KIF13B: variants seen among roughly 807,000 people sequenced by gnomAD.
KIF13B encodes the protein kinesin family member 13B, also known as kinesin-like protein KIF13B.
In KIF13B, 127 loss-of-function variants were observed where a neutral mutation model predicts 222.0. The ratio of observed to expected loss-of-function variants is 0.57; its 90% CI spans 0.50 to 0.66. The LOEUF (loss-of-function observed/expected upper bound fraction) is 0.66, where lower values mean the gene tolerates loss of function less well. Among genes scored for constraint, KIF13B ranks in the 30% least tolerant of loss-of-function variants. The pLI, the probability that KIF13B is intolerant of heterozygous loss-of-function variation, is 0.00. For missense variants in KIF13B, 2,173 were observed against 2,379.0 expected (o/e 0.91, Z 1.80); for synonymous variants, 976 against 919.0 (o/e 1.06, Z -1.12).
At chr8:29,180,804 G>C (rs1462235978) in intron 7 of KIF13B, among the ~76,000 whole-genome samples, 1 of 151,720 alleles carries the variant, frequency 6.6e-6, no homozygotes, top group Non-Finnish European at 1.5e-5. Context: ...GGAAGGTCAA[G>C]GGATTTTCTT....
At chr8:29,087,356 G>T (rs1808090208) in intron 37 of KIF13B, among the ~76,000 whole-genome samples, 1 of 152,196 alleles carries the variant, frequency 6.6e-6, no homozygotes, top group South Asian at 2.1e-4. Context: ...TACAGCTTTA[G>T]AAGTGTGTGG....
rs1459073650 is a variant in KIF13B at position 29,134,354 on chromosome 8, A to C, written c.2614-144T>G. On this transcript the variant is annotated intron_variant, in intron 21 of 39. Transcript: ENST00000524189. ...CAAATCCCATTCACCCTGAGACTGG[A>C]CTTCTGCATCTGGGAAATAGTGGTA... 2.1e-5 allele frequency: 15 copies of C among 697,908 alleles called. No homozygotes were observed. The South Asian group carries it at 2.8e-4, about 13-fold the overall frequency. The allele number at this position is 697,908 out of a possible 1,614,324, so 43.2% of individuals were successfully genotyped here.
Position 29,186,317 on chromosome 8 carries a change from C to T in KIF13B, c.472G>A (p.Val158Ile). 1 of 1,613,040 alleles carries T rather than the reference C, an allele frequency of 6.2e-7. No homozygotes were observed. Among genetic ancestry groups the T allele is most frequent in the Non-Finnish European group, 8.5e-7 (1 of 1,179,524 alleles). The change falls in exon 6 of 40, where the codon GTT becomes ATT. Residue 158 changes from valine to isoleucine, a missense_variant. Around this residue, in one of 2 missense-constraint regions of KIF13B, gnomAD observed 1,480 missense variants for 1,722.8 expected, o/e 0.86. Transcript: ENST00000524189. ...CCTTTGGGATCAAGAAGGTCTCGAACTTTTTCATTATAAATTTCCATGTAG... is the reference window on the plus strand; with the variant it reads ...CCTTTGGGATCAAGAAGGTCTCGAATTTTTTCATTATAAATTTCCATGTAG... ...VSYMEIYNEK[V>I]RDLLDPKGSR...
At position 29,188,500 on chromosome 8, in the gene KIF13B, G is replaced by A; in HGVS notation, c.316+15C>T. 1 of 1,463,954 alleles carries A rather than the reference G, an allele frequency of 6.8e-7. No homozygotes were observed. The allele number at this position is 1,463,954 out of a possible 1,614,324, so 90.7% of individuals were successfully genotyped here. On this transcript the variant is annotated intron_variant, in intron 5 of 39. Coordinates refer to ENST00000524189, the MANE Select transcript of KIF13B (RefSeq NM_015254.4). ...TTGATGGTTGTTTATGTGATTTCATGTTATTTAACATTACCAGTCTGTCCA... is the reference window on the plus strand; with the variant it reads ...TTGATGGTTGTTTATGTGATTTCATATTATTTAACATTACCAGTCTGTCCA...
At chr8:29,113,173 C>T (rs1410220223) in intron 32 of KIF13B, among the ~76,000 whole-genome samples, 5 of 152,198 alleles carry the variant, frequency 3.3e-5, no homozygotes, top group South Asian at 2.1e-4. Flanking sequence ...CTCTATGCTA[C>T]GCTGCCTCCC....
chr8:29,185,541 TC>T (rs2130309818), intron 6 of KIF13B, among the ~76,000 whole-genome samples: 2 of 152,326 alleles, frequency 1.3e-5, no homozygotes, highest in South Asian at 4.1e-4. Context: ...AAGATTATCA[TC>T]TTGGTCAAGG....
chr8:29,254,366 G>C (rs1213671334), intron 1 of KIF13B, among the ~76,000 whole-genome samples: 1 of 152,120 alleles, frequency 6.6e-6, no homozygotes, highest in Non-Finnish European at 1.5e-5. Flanking sequence ...AAGGACACAA[G>C]GGAGTGAAAA....
chr8:29,200,853 T>C (rs1264591889), intron 2 of KIF13B, among the ~76,000 whole-genome samples: 1 of 152,200 alleles, frequency 6.6e-6, no homozygotes, highest in Non-Finnish European at 1.5e-5. Context: ...TAAATCCAGA[T>C]TGTGCATTTT....
chr8:29,071,800 G>C lies in KIF13B; in HGVS notation c.5038C>G (p.Pro1680Ala). 1.3e-6 allele frequency: 2 copies of C among 1,545,972 alleles called. No individual in the cohort carries two copies. The highest frequency in any genetic ancestry group is 1.2e-5 in the South Asian group (1 of 83,996). The change falls in exon 39 of 40, where the codon CCG (proline) becomes GCG (alanine). Residue 1680 changes from proline to alanine, a missense_variant. Coordinates refer to ENST00000524189, the MANE Select transcript of KIF13B (RefSeq NM_015254.4). The surrounding 1 kb of genome is among the most constrained non-coding windows in gnomAD (Gnocchi z 4.9). ...SPGAEGNAPA[P>A]GAGGQALASD... is the part of the protein sequence containing the mutation. ...GCCAGGGCCTGTCCCCCGGCGCCCGGGGCCGGCGCATTCCCCTCGGCCCCC... is the reference window on the plus strand; with the variant it reads ...GCCAGGGCCTGTCCCCCGGCGCCCGCGGCCGGCGCATTCCCCTCGGCCCCC...
intron 13 of KIF13B, among the ~76,000 whole-genome samples, chr8:29,160,048 G>T (rs1025426947): frequency 2.0e-5 from 3 of 152,184 alleles, no homozygotes; most frequent in Non-Finnish European, 2.9e-5. Context: ...TAAGTAATTT[G>T]TGCTCTGGGC....
intron 37 of KIF13B, among the ~76,000 whole-genome samples, chr8:29,089,483 A>C (rs1808193990): frequency 6.6e-6 from 1 of 152,108 alleles, no homozygotes; most frequent in African/African-American, 2.4e-5. Context: ...AACAATAGAC[A>C]TTTTGCATCT....
At chr8:29,163,704 T>G (rs1023725883) in intron 12 of KIF13B, among the ~76,000 whole-genome samples, 2 of 152,140 alleles carry the variant, frequency 1.3e-5, no homozygotes, top group Admixed American at 1.3e-4. Flanking sequence ...CTCTGGAAGG[T>G]TAAGGCATTG....
intron 1 of KIF13B, among the ~76,000 whole-genome samples, chr8:29,259,415 G>A (rs1225985403): frequency 6.6e-6 from 1 of 152,026 alleles, no homozygotes; most frequent in Non-Finnish European, 1.5e-5. Context: ...ACCCCCTTAG[G>A]CTAGGTAGGT....
intron 28 of KIF13B, 46 bp from the exon 29 acceptor site, chr8:29,122,692 A>T: frequency 6.7e-7 from 1 of 1,488,638 alleles, no homozygotes; most frequent in South Asian, 1.2e-5. Context: ...TTACTTTCTC[A>T]GTGGCATGCA....
intron 14 of KIF13B, among the ~76,000 whole-genome samples, chr8:29,150,753 G>A (rs1225129691): frequency 2.6e-5 from 4 of 152,108 alleles, no homozygotes; most frequent in Non-Finnish European, 5.9e-5. Context: ...CTCTCTAATT[G>A]TTTTTGGAAC....
intron 4 of KIF13B, 82 bp from the exon 5 acceptor site, chr8:29,188,689 A>C (rs1563772099): frequency 8.0e-5 from 65 of 816,790 alleles, no homozygotes; most frequent in Non-Finnish European, 1.1e-4. Context: ...CAAAAATCTC[A>C]AAAATGTATA....
In KIF13B at chr8:29,069,877, T is replaced by TGG. The variant is rs34298034; in HGVS notation, c.*625_*626dup. 2 of 151,468 alleles carry TGG rather than the reference T, an allele frequency of 1.3e-5. No homozygotes were observed. The highest frequency in any genetic ancestry group is 4.2e-4 in the South Asian group (2 of 4,762). 9.4% of individuals were successfully genotyped at this position (151,468 alleles called of 1,614,324 possible). On this transcript the variant is annotated 3_prime_UTR_variant, in exon 40 of 40. Transcript: ENST00000524189. Reference sequence around the variant, plus strand: ...CTAAGAAACCCTGGCAGAGGAGGGATGGGGGGGCTCAGGCCCTCGGCCCCC... The same window carrying TGG: ...CTAAGAAACCCTGGCAGAGGAGGGATGGGGGGGGGCTCAGGCCCTCGGCCCCC...
rs1336470919 is a variant in KIF13B, at chr8:29,148,081, T to C, written c.1814-479A>G. 3.9e-5 allele frequency among the ~76,000 whole-genome samples: 6 copies of C among 152,104 alleles called. No homozygotes were observed. The East Asian group carries it at 1.2e-3, about 29-fold the overall frequency. ...GGCATGGTGGTGTGCACGCCTGTCA[T>C]CCCAGCTACTCAGGAGGCTGAGGCA... is the stretch of plus-strand genomic sequence containing the variant. On this transcript the variant is annotated intron_variant, in intron 16 of 39. Coordinates refer to ENST00000524189, the MANE Select transcript of KIF13B (RefSeq NM_015254.4).
intron 35 of KIF13B, among the ~76,000 whole-genome samples, chr8:29,106,218 C>T (rs953113093): frequency 2.0e-5 from 3 of 152,218 alleles, no homozygotes; most frequent in Admixed American, 2.0e-4. Flanking sequence ...CTTCAGCACA[C>T]TTACAGAAAC....
Sources: allele counts gnomAD v4.1 joint callset (sites outside exome capture counted in the v4.1 genomes callset), GRCh38; gene constraint gnomAD v4.1.1; regional missense constraint gnomAD v4.1.1; non-coding constraint Gnocchi (gnomAD v3.1); transcripts MANE v1.5; gene names NCBI Gene and HGNC (gene_info 2026-07-23, HGNC 2026-07-21).